Variants in IL12RB1 observed in about 807,000 individuals in gnomAD.
IL12RB1 encodes the protein interleukin-12 receptor subunit beta-1.
Under a neutral mutation model 94.4 loss-of-function variants are expected in IL12RB1, and 64 were observed. The observed-to-expected ratio is 0.68, with a 90% CI of 0.55 to 0.83. The LOEUF is 0.83. Ranked by LOEUF, IL12RB1 falls within the 40% of genes least tolerant of loss-of-function variation. IL12RB1 has a pLI of 0.00. For synonymous variants in IL12RB1, 362 were observed against 355.5 expected (o/e 1.02, Z -0.21); for missense variants, 814 against 855.6 (o/e 0.95, Z 0.61).
upstream of IL12RB1, chr19:18,087,037 T>A: frequency 1.0e-6 from 1 of 992,298 alleles, no homozygotes; most frequent in Non-Finnish European, 1.5e-6. Context: ...GTGGTGGTGA[T>A]GGTGGCGGCC....
At chr19:18,081,065 T>G in intron 3 of IL12RB1, 64 bp from the exon 4 acceptor site, 1 of 1,413,206 alleles carries the variant, frequency 7.1e-7, no homozygotes, top group East Asian at 2.3e-5. Flanking sequence ...CAGCCGACTT[T>G]GTGCATCACA....
upstream of IL12RB1, among the ~76,000 whole-genome samples, chr19:18,089,902 G>A (rs1234316278): frequency 6.6e-6 from 1 of 152,126 alleles, no homozygotes; most frequent in Non-Finnish European, 1.5e-5. Flanking sequence ...TAGGGACAAA[G>A]ACTCAGTGTC....
chr19:18,061,778 G>A (rs2034146248), intron 14 of IL12RB1, among the ~76,000 whole-genome samples: 1 of 151,778 alleles, frequency 6.6e-6, no homozygotes, highest in Non-Finnish European at 1.5e-5. Context: ...CAGGAGAATG[G>A]CTTGAACCCG....
At chr19:18,082,322 T>C (rs1382863725) in intron 2 of IL12RB1, 58 bp from the exon 3 acceptor site, 2 of 980,110 alleles carry the variant, frequency 2.0e-6, no homozygotes, top group Non-Finnish European at 3.2e-6. Context: ...TCTTCGTGCC[T>C]AAGACAAATC....
rs1323657115 is a variant in IL12RB1 at position 18,069,691 on chromosome 19, G to A, written c.1044C>T (p.Ser348=). 6 of 1,611,876 alleles carry A rather than the reference G, an allele frequency of 3.7e-6. No homozygotes were observed. Among genetic ancestry groups the A allele is most frequent in the East Asian group, 2.2e-5 (1 of 44,862 alleles). ...ACATGGTGGTCCCGTTGGTTCCGAC[G>A]CTGATATTCAGAGCCACTGGTTCTG... is the stretch of plus-strand genomic sequence containing the variant. ...THTEPVALNI[S]VGTNGTTMYW... The change falls in exon 10 of 17, where the codon AGC becomes AGT. Residue 348 remains serine (S), a synonymous_variant. Transcript: ENST00000593993.
intron 1 of IL12RB1, among the ~76,000 whole-genome samples, chr19:18,085,813 T>C (rs951981728): frequency 9.2e-5 from 14 of 152,082 alleles, no homozygotes; most frequent in African/African-American, 3.4e-4. Flanking sequence ...TTCACCATGT[T>C]AGCCAGGCTG....
chr19:18,069,793 C>A lies in IL12RB1; in HGVS notation c.1022-80G>T, dbSNP rs1231980153. The A allele has an allele frequency of 2.7e-5, 28 of 1,026,300 alleles. No individual in the cohort carries two copies. In the East Asian group the frequency reaches 6.4e-4, roughly 23 times the overall value. 63.6% of individuals were successfully genotyped at this position (1,026,300 alleles called of 1,614,324 possible). ...CCCTTCTCTGGCTCCTGCAGCCTCT[C>A]TCCCACCCTCTCGTCTATACCCCTG... On this transcript the variant is annotated intron_variant, in intron 9 of 16. Coordinates refer to ENST00000593993, the MANE Select transcript of IL12RB1 (RefSeq NM_005535.3).
At chr19:18,091,907 TGCTCAG>T, upstream of IL12RB1, among the ~76,000 whole-genome samples, 1 of 148,924 alleles carries the variant, frequency 6.7e-6, no homozygotes. Flanking sequence ...GACAGAGTCT[TGCTCAG>T]TCACCCAGGC....
At chr19:18,079,025 A>T (rs17884517) in intron 4 of IL12RB1, among the ~76,000 whole-genome samples, 359 of 151,444 alleles carry the variant, frequency 2.4e-3, no homozygotes, top group African/African-American at 8.1e-3. Flanking sequence ...ACACAGCAAG[A>T]CCCCATCTCT....
chr19:18,092,134 C>T (rs1369692064), intron 1 of IL12RB1, among the ~76,000 whole-genome samples: 1 of 151,238 alleles, frequency 6.6e-6, no homozygotes, highest in African/African-American at 2.4e-5. Context: ...GCCTCGGCCT[C>T]CCAAAGGGCT....
At chr19:18,081,318 A>G (rs1412953244) in intron 3 of IL12RB1, among the ~76,000 whole-genome samples, 2 of 151,000 alleles carry the variant, frequency 1.3e-5, no homozygotes, top group African/African-American at 4.9e-5. Flanking sequence ...CTGGTCTCCA[A>G]CTTCTGGCCT....
In IL12RB1 at chr19:18,062,245, C is replaced by A; in HGVS notation, c.1651G>T (p.Ala551Ser). Residue 551 changes from alanine (A) to serine (S), a missense_variant, in exon 14 of 17, where the codon GCC becomes TCC. Physicochemically the swap from Ala to Ser is moderately conservative, Grantham distance 99. Coordinates refer to ENST00000593993, the MANE Select transcript of IL12RB1 (RefSeq NM_005535.3). ...ATGCTCAGGAAGCTCCCCAGGGAGG[C>A]GAAGAAGATGAGCCAATCAGAAACC... ...VQVSDWLIFFASLGSFLSILL... is the reference protein window; with the variant it reads ...VQVSDWLIFFSSLGSFLSILL... The A allele has an allele frequency of 6.2e-7, 1 of 1,612,672 alleles. No individual in the cohort carries two copies. The highest frequency in any genetic ancestry group is 1.3e-5 in the African/African-American group (1 of 74,924).
At chr19:18,066,176 C>T (rs1568490448) in intron 12 of IL12RB1, among the ~76,000 whole-genome samples, 3 of 151,904 alleles carry the variant, frequency 2.0e-5, no homozygotes, top group Non-Finnish European at 4.4e-5. Flanking sequence ...GGTACAATCT[C>T]GGCTCACTGC....
intron 5 of IL12RB1, 101 bp from the exon 6 acceptor site, chr19:18,076,428 G>GT: frequency 1.4e-6 from 1 of 720,338 alleles, no homozygotes; most frequent in Non-Finnish European, 2.5e-6. Flanking sequence ...TCTGAGACAC[G>GT]GTCTCACTCT....
In IL12RB1 at chr19:18,068,423, A is replaced by G. The variant is rs777041534; in HGVS notation, c.1293T>C (p.Ser431=). 1 of 1,613,384 alleles carries G rather than the reference A, an allele frequency of 6.2e-7. No homozygotes were observed. The change falls in exon 11 of 17, where the codon TCT becomes TCC. Residue 431 remains serine, a synonymous_variant. Transcript: ENST00000593993. ...CAAAGTGGTAGGTGGACAGGACCGT[A>G]GACCACAAGGTGAGCTTCTCGGGGT... is the stretch of plus-strand genomic sequence containing the variant. The part of the protein sequence containing the change: ...SAHPEKLTLW[S]TVLSTYHFGG...
At chr19:18,073,079 C>T (rs751156586) in intron 8 of IL12RB1, among the ~76,000 whole-genome samples, 8 of 151,906 alleles carry the variant, frequency 5.3e-5, no homozygotes, top group Middle Eastern at 3.2e-3. Flanking sequence ...ATGGTAAAGT[C>T]AACGAGTGGA....
At chr19:18,060,667 C>T (rs1181666266) in intron 15 of IL12RB1, among the ~76,000 whole-genome samples, 15 of 152,090 alleles carry the variant, frequency 9.9e-5, no homozygotes, top group Non-Finnish European at 2.2e-4. Context: ...CCCATCAGAC[C>T]CTTCCCTACC....
At chr19:18,093,275 C>T (rs897767117) in intron 1 of IL12RB1, among the ~76,000 whole-genome samples, 8 of 151,558 alleles carry the variant, frequency 5.3e-5, no homozygotes, top group Non-Finnish European at 1.2e-4. Flanking sequence ...CACTGCACTT[C>T]AGCCTGGCCA....
At chr19:18,061,942 T>C (rs1026068418) in intron 14 of IL12RB1, among the ~76,000 whole-genome samples, 1 of 152,206 alleles carries the variant, frequency 6.6e-6, no homozygotes, top group Non-Finnish European at 1.5e-5. Flanking sequence ...AGTATAAATC[T>C]GACTGCAAAA....
Sources: allele counts gnomAD v4.1 joint callset (sites outside exome capture counted in the v4.1 genomes callset), GRCh38; gene constraint gnomAD v4.1.1; transcripts MANE v1.5; gene names NCBI Gene and HGNC (gene_info 2026-07-23, HGNC 2026-07-21).